The following EDNRB variants were observed in gnomAD, a reference collection of about 807,000 sequenced individuals.
EDNRB encodes Hirschsprung disease 2.
EDNRB carries 18 observed loss-of-function variants against 46.4 expected under a neutral mutation model. The observed-to-expected ratio is 0.39, with a 90% confidence interval of 0.27 to 0.57. The LOEUF is 0.57. Among genes scored for constraint, EDNRB ranks in the 20% least tolerant of loss-of-function variants. The pLI is 0.61. For missense variants in EDNRB, 434 were observed against 537.5 expected (o/e 0.81, Z 1.90); for synonymous variants, 213 against 204.9 (o/e 1.04, Z -0.34).
intron 1 of EDNRB, among the ~76,000 whole-genome samples, chr13:77,933,311 G>A (rs909546802): frequency 2.5e-4 from 38 of 152,106 alleles, no homozygotes; most frequent in African/African-American, 8.9e-4. Context: ...GGCTGAGTCC[G>A]AAAAGAGAGT....
intron 3 of EDNRB, among the ~76,000 whole-genome samples, chr13:77,902,532 A>T (rs11617203): frequency 3.3e-5 from 5 of 151,646 alleles, no homozygotes; most frequent in Non-Finnish European, 7.4e-5. Context: ...ATCCTTAGCC[A>T]CCTGCTCTGA....
At position 77,897,432 on chromosome 13, in the gene EDNRB, T is replaced by C. The variant is rs202159921; in HGVS notation, c.*768A>G. ...AACATTCTATTTCTCTTTGTGAGGT[T>C]TGATCTTAACTGAATGTAAAGGATG... On this transcript the variant is annotated 3_prime_UTR_variant, in exon 7 of 7. Transcript: ENST00000646607. 42 of 985,120 alleles carry C rather than the reference T, an allele frequency of 4.3e-5. No homozygotes were observed. The highest frequency in any genetic ancestry group is 2.4e-6 in the Non-Finnish European group (2 of 829,814). The allele number at this position is 985,120 out of a possible 1,614,324, so 61.0% of individuals were successfully genotyped here. A position where few individuals can be genotyped will look rare whatever the true frequency, so the allele number is the denominator to read the frequency against.
chr13:77,972,891 G>T (rs923623403), intron 1 of EDNRB, among the ~76,000 whole-genome samples: 22 of 152,340 alleles, frequency 1.4e-4, no homozygotes, highest in South Asian at 8.3e-4. Context: ...CTTGACTCAG[G>T]TGTGATGAGT....
At position 77,959,279 on chromosome 13, in the gene EDNRB, G is replaced by A. The variant is rs187025822; in HGVS notation, c.-52+16068C>T. Among the ~76,000 whole-genome samples, 3 of 152,254 alleles carry A rather than the reference G, an allele frequency of 2.0e-5. No individual in the cohort carries two copies. The East Asian group carries it at 5.8e-4, about 29-fold the overall frequency. ...CCCTGACCCCCGAGTAACCTAATGG[G>A]GAGGCACCCCTCAGTAGGGGCAGAA... On this transcript the variant is annotated intron_variant, in intron 1 of 7. Coordinates refer to the EDNRB transcript ENST00000646948.
Position 77,945,913 on chromosome 13 carries a change from G to A in EDNRB, c.-51-27289C>T, listed in dbSNP as rs189733878. Reference sequence around the variant, plus strand: ...AAAAAACAAAAAAAACACACAATCCGAAGAGACAAAGCAGGTATCTGAATC... The same window carrying A: ...AAAAAACAAAAAAAACACACAATCCAAAGAGACAAAGCAGGTATCTGAATC... On this transcript the variant is annotated intron_variant, in intron 1 of 7. Transcript: ENST00000646948. Among the ~76,000 whole-genome samples, 5 of 143,238 alleles carry A rather than the reference G, an allele frequency of 3.5e-5. No individual in the cohort carries two copies. The East Asian group carries it at 8.2e-4, about 24-fold the overall frequency. The allele number at this position is 143,238 out of a possible 152,430, so 94.0% of individuals were successfully genotyped here. A position where few individuals can be genotyped will look rare whatever the true frequency, so the allele number is the denominator to read the frequency against.
At chr13:77,919,167 A>G (rs1361689280), upstream of EDNRB, 3 of 563,900 alleles carry the variant, frequency 5.3e-6, no homozygotes, top group Non-Finnish European at 8.8e-6. Flanking sequence ...TGCGCCGGAG[A>G]TTCGGAAACC....
chr13:77,920,564 G>A (rs1475042715), upstream of EDNRB, among the ~76,000 whole-genome samples: 1 of 152,168 alleles, frequency 6.6e-6, no homozygotes, highest in Non-Finnish European at 1.5e-5. Context: ...TTGGCTCTTA[G>A]GCAATGCTTT....
rs1417329105 is a variant in EDNRB, at chr13:77,896,889, A to G, written c.*1311T>C. ...TTAGGCAGGAACGCACAAAGCTAAG[A>G]GGTTCTTACGGTCTCAAAAAGCAGT... On this transcript the variant is annotated 3_prime_UTR_variant, in exon 7 of 7. Transcript: ENST00000646607. 1 of 1,009,164 alleles carries G rather than the reference A, an allele frequency of 9.9e-7. No individual in the cohort carries two copies. The highest frequency in any genetic ancestry group is 1.2e-6 in the Non-Finnish European group (1 of 845,952). 62.5% of individuals were successfully genotyped at this position (1,009,164 alleles called of 1,614,324 possible). A position where few individuals can be genotyped will look rare whatever the true frequency, so the allele number is the denominator to read the frequency against.
chr13:77,952,513 T>C (rs1382470995), intron 1 of EDNRB, among the ~76,000 whole-genome samples: 2 of 152,138 alleles, frequency 1.3e-5, no homozygotes, highest in Admixed American at 6.5e-5. Flanking sequence ...AGTCCCAGCC[T>C]CATTTTCCTA....
intron 1 of EDNRB, among the ~76,000 whole-genome samples, chr13:77,957,687 G>C (rs1228293724): frequency 6.6e-6 from 1 of 152,162 alleles, no homozygotes; most frequent in East Asian, 1.9e-4. Context: ...TTGTTTGCTA[G>C]TGAGTAATCC....
chr13:77,956,230 T>A (rs543358455), intron 1 of EDNRB, among the ~76,000 whole-genome samples: 1 of 152,200 alleles, frequency 6.6e-6, no homozygotes, highest in African/African-American at 2.4e-5. Flanking sequence ...TCAGTGAATA[T>A]GTTCACCCTC....
chr13:77,948,963 C>T lies in EDNRB; in HGVS notation c.-52+26384G>A, dbSNP rs558484611. Among the ~76,000 whole-genome samples, 409 of 152,262 alleles carry T rather than the reference C, an allele frequency of 2.7e-3. 4 individuals carry two copies. Among genetic ancestry groups the T allele is most frequent in the African/African-American group, 9.3e-3 (388 of 41,564 alleles). ...TTTATTCACACATTTATTTGGAAAA[C>T]GCTTACTTAACATTTATCTGCAAAT... On this transcript the variant is annotated intron_variant, in intron 1 of 7. Transcript: ENST00000646948.
intron 1 of EDNRB, among the ~76,000 whole-genome samples, chr13:77,914,237 G>A (rs765051514): frequency 3.0e-4 from 46 of 152,096 alleles, no homozygotes; most frequent in African/African-American, 9.2e-4. Flanking sequence ...CAAACATGTC[G>A]TTTGTAGTCA....
chr13:77,958,731 CT>C (rs1881313280), intron 1 of EDNRB, among the ~76,000 whole-genome samples: 1 of 152,188 alleles, frequency 6.6e-6, no homozygotes, highest in Non-Finnish European at 1.5e-5. Context: ...ATTAATGAGA[CT>C]AAACAAGATC....
At chr13:77,938,309 C>CGGGGT (rs1880628550) in intron 1 of EDNRB, among the ~76,000 whole-genome samples, 1 of 151,004 alleles carries the variant, frequency 6.6e-6, no homozygotes, top group Non-Finnish European at 1.5e-5. Context: ...GATTAGAGGT[C>CGGGGT]ACAGCAGAGA....
chr13:77,926,799 C>T (rs924840623), intron 1 of EDNRB, among the ~76,000 whole-genome samples: 6 of 152,214 alleles, frequency 3.9e-5, no homozygotes, highest in Non-Finnish European at 8.8e-5. Context: ...TAAAGATATA[C>T]TGAGACTGGG....
rs201962263 is a variant in EDNRB, at chr13:77,895,738, T to C, written c.*2462A>G. ...CAACCAAAAAATCCTCCCAGATATA[T>C]AATTTTTTACATTGTTATATTACAC... On this transcript the variant is annotated 3_prime_UTR_variant, in exon 7 of 7. Transcript: ENST00000646607. 1 of 152,014 alleles carries C rather than the reference T, an allele frequency of 6.6e-6. No homozygotes were observed. Among genetic ancestry groups the C allele is most frequent in the Non-Finnish European group, 1.5e-5 (1 of 67,934 alleles). 9.4% of individuals were successfully genotyped at this position (152,014 alleles called of 1,614,324 possible).
At chr13:77,931,654 C>G (rs1260802627) in intron 1 of EDNRB, among the ~76,000 whole-genome samples, 1 of 149,812 alleles carries the variant, frequency 6.7e-6, no homozygotes, top group Non-Finnish European at 1.5e-5. Flanking sequence ...GGGAGAGAAG[C>G]ACTCTTGCTG....
At chr13:77,929,871 A>G (rs1880339973) in intron 1 of EDNRB, among the ~76,000 whole-genome samples, 1 of 152,210 alleles carries the variant, frequency 6.6e-6, no homozygotes, top group Non-Finnish European at 1.5e-5. Context: ...AAATTCTATT[A>G]TGTTTGCAAA....
Sources: allele counts gnomAD v4.1 joint callset (sites outside exome capture counted in the v4.1 genomes callset), GRCh38; gene constraint gnomAD v4.1.1; transcripts MANE v1.5; gene names NCBI Gene and HGNC (gene_info 2026-07-23, HGNC 2026-07-21).